Variants in TRPM8 observed in about 807,000 individuals in gnomAD.
TRPM8 encodes TRPM8 cationic channel.
Under a neutral mutation model 133.7 loss-of-function variants are expected in TRPM8, and 110 were observed. The observed-to-expected ratio is 0.82, with a 90% CI of 0.70 to 0.96. TRPM8 has a LOEUF of 0.96. Ranked by LOEUF, TRPM8 falls within the 40% of genes least tolerant of loss-of-function variation. The pLI is 0.00. For missense variants in TRPM8, 1,291 were observed against 1,379.5 expected, an observed-to-expected ratio of 0.94 and a Z score of 1.02; for synonymous variants, 535 against 532.3, an observed-to-expected ratio of 1.01 and a Z score of -0.07.
intron 13 of TRPM8, 140 bp from the exon 14 acceptor site, chr2:233,964,488 G>A (rs1691510934): frequency 1.8e-5 from 11 of 625,204 alleles, no homozygotes; most frequent in Non-Finnish European, 2.2e-5. Context: ...GGAGGTGGAG[G>A]TTGCAGTGAG....
chr2:233,962,693 T>A (rs1386156257), intron 12 of TRPM8, among the ~76,000 whole-genome samples: 1 of 152,250 alleles, frequency 6.6e-6, no homozygotes, highest in Non-Finnish European at 1.5e-5. Context: ...ATGCATAATA[T>A]GCCTCGTGCA....
At chr2:233,967,237 A>G (rs1279687302) in intron 15 of TRPM8, among the ~76,000 whole-genome samples, 1 of 152,268 alleles carries the variant, frequency 6.6e-6, no homozygotes, top group African/African-American at 2.4e-5. Context: ...TAGTGATAGC[A>G]GTAGGGAAAC....
intron 17 of TRPM8, among the ~76,000 whole-genome samples, chr2:233,977,987 C>T (rs1049709518): frequency 6.6e-6 from 1 of 152,110 alleles, no homozygotes; most frequent in East Asian, 1.9e-4. Context: ...TCTTCCACGA[C>T]CTTCTTCATG....
At chr2:233,929,166 A>G (rs1413934610) in intron 2 of TRPM8, among the ~76,000 whole-genome samples, 3 of 152,126 alleles carry the variant, frequency 2.0e-5, no homozygotes, top group African/African-American at 7.2e-5. Flanking sequence ...ATGAACAACA[A>G]TACCACTTGT....
At chr2:233,956,301 T>C (rs892636915) in intron 11 of TRPM8, among the ~76,000 whole-genome samples, 1 of 152,144 alleles carries the variant, frequency 6.6e-6, no homozygotes, top group Non-Finnish European at 1.5e-5. Flanking sequence ...ACCTTCAATA[T>C]GGAAGTTGCA....
chr2:233,982,926 G>A (rs1242682150), intron 19 of TRPM8, 127 bp from the exon 20 acceptor site: 3 of 980,934 alleles, frequency 3.1e-6, no homozygotes, highest in Admixed American at 2.3e-5. Flanking sequence ...TGAACTCTGG[G>A]TGACTTAGAT....
intron 22 of TRPM8, among the ~76,000 whole-genome samples, chr2:233,998,165 TG>T: frequency 6.6e-6 from 1 of 152,234 alleles, no homozygotes; most frequent in African/African-American, 2.4e-5. Flanking sequence ...GATGTAGCTG[TG>T]GGGCCAACTC....
intron 1 of TRPM8, among the ~76,000 whole-genome samples, chr2:233,923,356 A>G (rs1047639610): frequency 1.3e-5 from 2 of 152,170 alleles, no homozygotes; most frequent in Admixed American, 1.3e-4. Context: ...TTTTCTTTGG[A>G]AAGGCCTGTT....
intron 21 of TRPM8, among the ~76,000 whole-genome samples, chr2:233,995,624 A>G (rs985066713): frequency 6.6e-6 from 1 of 152,208 alleles, no homozygotes; most frequent in Admixed American, 6.5e-5. Context: ...TCCCCATAAT[A>G]AAACAATTAT....
rs1442828658 is a variant in TRPM8, at chr2:233,989,739, A to T, written c.2939+3874A>T. 6.6e-6 allele frequency among the ~76,000 whole-genome samples: 1 copy of T among 152,232 alleles called. No individual in the cohort carries two copies. The highest frequency in any genetic ancestry group is 1.5e-5 in the Non-Finnish European group (1 of 68,034). ...AGTATTGGAGTGCTCTCTAGATGGT[A>T]TTCAACAGAGAAAGGAAATGGATGT... On this transcript the variant is annotated intron_variant, in intron 21 of 25. Coordinates refer to ENST00000324695, the MANE Select transcript of TRPM8 (RefSeq NM_024080.5). The surrounding 1 kb of genome is among the most constrained non-coding windows in gnomAD (Gnocchi z 4.2).
intron 8 of TRPM8, 149 bp downstream of exon 8, chr2:233,947,304 A>T: frequency 3.2e-6 from 5 of 1,546,296 alleles, no homozygotes; most frequent in Non-Finnish European, 4.4e-6. Flanking sequence ...TGTTCCCCTA[A>T]CAGACTCCGG....
rs941444152 is a variant in TRPM8 at position 233,996,419 on chromosome 2, C to T, written c.3033C>T (p.Ile1011=). The change falls in exon 22 of 26, where the codon ATC becomes ATT. Residue 1011 remains isoleucine (I), a synonymous_variant. Coordinates refer to ENST00000324695, the MANE Select transcript of TRPM8 (RefSeq NM_024080.5). The stretch of plus-strand genomic sequence containing the variant: ...AGGAGTACTGCAGCCGCCTCAATAT[C>T]CCCTTCCCCTTCATCGTCTTCGCTT... ...LVQEYCSRLN[I]PFPFIVFAYF... is the part of the protein sequence containing the mutation. The T allele has an allele frequency of 6.2e-7, 1 of 1,614,164 alleles. No homozygotes were observed. The highest frequency in any genetic ancestry group is 8.5e-7 in the Non-Finnish European group (1 of 1,180,012).
intron 14 of TRPM8, among the ~76,000 whole-genome samples, chr2:233,965,513 C>G (rs1691545493): frequency 6.6e-6 from 1 of 152,202 alleles, no homozygotes; most frequent in African/African-American, 2.4e-5. Context: ...AACCGATTAC[C>G]TCTAAACAGC....
At chr2:233,978,910 G>A (rs147051066) in intron 17 of TRPM8, among the ~76,000 whole-genome samples, 1 of 152,168 alleles carries the variant, frequency 6.6e-6, no homozygotes, top group Non-Finnish European at 1.5e-5. Context: ...GAAAGGAAAT[G>A]CTTCTTGAGA....
At chr2:233,979,491 G>T in intron 17 of TRPM8, among the ~76,000 whole-genome samples, 1 of 152,256 alleles carries the variant, frequency 6.6e-6, no homozygotes, top group Non-Finnish European at 1.5e-5. Flanking sequence ...TTTATGGATT[G>T]ATTTAGGAGT....
chr2:234,005,266 A>G (rs1328003802), intron 22 of TRPM8, among the ~76,000 whole-genome samples: 2 of 152,166 alleles, frequency 1.3e-5, no homozygotes, highest in Non-Finnish European at 2.9e-5. Context: ...ATTCTTGCCA[A>G]CATGGGATAT....
chr2:233,959,158 TGG>T (rs1427044672), intron 11 of TRPM8, among the ~76,000 whole-genome samples: 1 of 151,290 alleles, frequency 6.6e-6, no homozygotes, highest in East Asian at 1.9e-4. Context: ...CCGGAGTAGC[TGG>T]GATTACAGGC....
intron 17 of TRPM8, among the ~76,000 whole-genome samples, chr2:233,975,052 C>T (rs577395979): frequency 2.0e-5 from 3 of 152,282 alleles, no homozygotes; most frequent in South Asian, 4.1e-4. Context: ...TGCCCTAGTG[C>T]ATCTCTTCTT....
intron 21 of TRPM8, among the ~76,000 whole-genome samples, chr2:233,994,642 C>T (rs565644636): frequency 3.8e-4 from 58 of 152,290 alleles, no homozygotes; most frequent in Middle Eastern, 6.8e-3. Flanking sequence ...TTAAGCAAAG[C>T]CAATAACCAT....
Sources: allele counts gnomAD v4.1 joint callset (sites outside exome capture counted in the v4.1 genomes callset), GRCh38; gene constraint gnomAD v4.1.1; non-coding constraint Gnocchi (gnomAD v3.1); transcripts MANE v1.5; gene names NCBI Gene and HGNC (gene_info 2026-07-23, HGNC 2026-07-21).